The following KIAA1217 variants were observed in gnomAD, a reference collection of about 807,000 sequenced individuals.
KIAA1217 encodes the protein sickle tail protein homolog.
In KIAA1217, 88 loss-of-function variants were observed where a neutral mutation model predicts 163.9. That is an observed-to-expected ratio of 0.54 (90% CI 0.45 to 0.64). KIAA1217 has a LOEUF of 0.64. KIAA1217 is among the 30% of genes least tolerant of loss of function. The probability of loss-of-function intolerance (pLI) is 0.00; values close to 1 mark genes in which losing one functional copy is unlikely to be tolerated. For synonymous variants in KIAA1217, 903 were observed against 923.1 expected (o/e 0.98, Z 0.39); for missense variants, 2,372 against 2,475.0 (o/e 0.96, Z 0.88).
intron 1 of KIAA1217, among the ~76,000 whole-genome samples, chr10:23,729,185 T>C (rs1243746077): frequency 6.6e-6 from 1 of 152,214 alleles, no homozygotes; most frequent in African/African-American, 2.4e-5. Context: ...ATAGTTTACT[T>C]ACTCATCCAC....
intron 2 of KIAA1217, among the ~76,000 whole-genome samples, chr10:24,184,394 T>C (rs2066324514): frequency 2.0e-5 from 3 of 152,170 alleles, no homozygotes; most frequent in Admixed American, 6.5e-5. Context: ...GCAACAGATG[T>C]TCATTTTAGA....
chr10:24,296,812 G>A (rs2040674073), intron 2 of KIAA1217, among the ~76,000 whole-genome samples: 1 of 152,126 alleles, frequency 6.6e-6, no homozygotes, highest in Non-Finnish European at 1.5e-5. Flanking sequence ...GCTAATTGGG[G>A]CTAAATACAG....
intron 1 of KIAA1217, among the ~76,000 whole-genome samples, chr10:24,213,911 G>A (rs184866881): frequency 1.4e-4 from 22 of 152,228 alleles, no homozygotes; most frequent in Non-Finnish European, 2.2e-4. Context: ...ATCACTTTGG[G>A]ATGCTGAGGC....
At chr10:23,751,487 A>G (rs374947531) in intron 1 of KIAA1217, among the ~76,000 whole-genome samples, 1 of 152,086 alleles carries the variant, frequency 6.6e-6, no homozygotes, top group Admixed American at 6.5e-5. Flanking sequence ...TCTAGTTTTT[A>G]CTTCCCTATG....
At chr10:24,205,011 A>C (rs1180136698), upstream of KIAA1217, among the ~76,000 whole-genome samples, 1 of 152,220 alleles carries the variant, frequency 6.6e-6, no homozygotes, top group Admixed American at 6.5e-5. Context: ...TAAGGACTTC[A>C]GCAAGCATTA....
At chr10:23,745,952 CT>C (rs1839389439) in intron 1 of KIAA1217, among the ~76,000 whole-genome samples, 1 of 152,180 alleles carries the variant, frequency 6.6e-6, no homozygotes. Flanking sequence ...ATTTTATGCC[CT>C]TTACAAACAC....
At chr10:24,235,943 G>A (rs906060968) in intron 2 of KIAA1217, among the ~76,000 whole-genome samples, 1 of 152,176 alleles carries the variant, frequency 6.6e-6, no homozygotes, top group Non-Finnish European at 1.5e-5. Flanking sequence ...AGGAGTATCA[G>A]TGCCTGGTAG....
At chr10:24,048,109 G>A (rs1256352669) in intron 2 of KIAA1217, among the ~76,000 whole-genome samples, 1 of 152,072 alleles carries the variant, frequency 6.6e-6, no homozygotes, top group East Asian at 1.9e-4. Flanking sequence ...AGAGGTCAAG[G>A]GTACAGTATG....
chr10:24,428,628 C>T (rs973763631), intron 3 of KIAA1217, among the ~76,000 whole-genome samples: 1 of 152,186 alleles, frequency 6.6e-6, no homozygotes, highest in East Asian at 1.9e-4. Context: ...ACTAATAAAT[C>T]ATTCGTTTAT....
intron 1 of KIAA1217, among the ~76,000 whole-genome samples, chr10:23,775,127 C>T (rs935707915): frequency 6.6e-6 from 1 of 152,100 alleles, no homozygotes; most frequent in Non-Finnish European, 1.5e-5. Flanking sequence ...GCAGTGAGTC[C>T]ATTAAAAGCT....
intron 1 of KIAA1217, among the ~76,000 whole-genome samples, chr10:23,818,665 C>G (rs1398222189): frequency 6.6e-6 from 1 of 152,098 alleles, no homozygotes; most frequent in African/African-American, 2.4e-5. Context: ...CTTGTTTGAT[C>G]ACAGCACAGG....
At chr10:23,798,614 G>A (rs1261139716) in intron 1 of KIAA1217, among the ~76,000 whole-genome samples, 1 of 152,170 alleles carries the variant, frequency 6.6e-6, no homozygotes, top group Non-Finnish European at 1.5e-5. Context: ...GGTAGAGTGA[G>A]TGCAGAGCTC....
intron 2 of KIAA1217, among the ~76,000 whole-genome samples, chr10:24,266,080 C>T (rs1430869222): frequency 2.8e-5 from 4 of 141,108 alleles, no homozygotes; most frequent in Non-Finnish European, 4.7e-5. Flanking sequence ...AAAGGCTGAT[C>T]TTTTTTTTTT....
chr10:23,974,180 C>T (rs149288727), intron 1 of KIAA1217, among the ~76,000 whole-genome samples: 3 of 152,098 alleles, frequency 2.0e-5, no homozygotes, highest in Non-Finnish European at 2.9e-5. Flanking sequence ...GGAGTGAAAG[C>T]GTGTGTTGTG....
chr10:23,704,172 G>GTATATATATATA lies in KIAA1217; in HGVS notation c.-321+8967_-321+8978dup, dbSNP rs35533445. Among the ~76,000 whole-genome samples, 113 of 39,912 alleles carry GTATATATATATA rather than the reference G, an allele frequency of 2.8e-3. 2 individuals carry two copies. The highest frequency in any genetic ancestry group is 5.1e-3 in the African/African-American group (38 of 7,460). The allele number at this position is 39,912 out of a possible 152,430, so 26.2% of individuals were successfully genotyped here. ...TGTGTGTGTGTGTGTGTGTGTGTGT[G>GTATATATATATA]TATATATATATATATATATATATAT... On this transcript the variant is annotated intron_variant, in intron 1 of 18. Coordinates refer to the KIAA1217 transcript ENST00000376462.
At chr10:23,811,301 G>A (rs1837038643) in intron 1 of KIAA1217, among the ~76,000 whole-genome samples, 1 of 146,058 alleles carries the variant, frequency 6.8e-6, no homozygotes, top group African/African-American at 2.5e-5. Flanking sequence ...TATATAGTAT[G>A]TGTATATATT....
intron 2 of KIAA1217, chr10:24,255,329 C>A: frequency 3.3e-6 from 1 of 298,620 alleles, no homozygotes; most frequent in Non-Finnish European, 6.7e-6. Flanking sequence ...CTGTGAATCA[C>A]ACTTCAAATC....
At chr10:24,138,336 A>G (rs1226621981) in intron 2 of KIAA1217, among the ~76,000 whole-genome samples, 3 of 152,060 alleles carry the variant, frequency 2.0e-5, no homozygotes, top group Non-Finnish European at 2.9e-5. Context: ...TGTTTTAGAG[A>G]TGGAGTCTGA....
At position 23,919,777 on chromosome 10, in the gene KIAA1217, G is replaced by A. The variant is rs564578524; in HGVS notation, c.-320-87448G>A. ...CTTTAGTTCCAAACCCTATTCTTTC[G>A]GTGCTACCCAAAGAGAGCTGACCTG... On this transcript the variant is annotated intron_variant, in intron 1 of 18. Transcript: ENST00000376462. 1.6e-4 allele frequency among the ~76,000 whole-genome samples: 24 copies of A among 152,092 alleles called. No homozygotes were observed. The South Asian group carries it at 3.7e-3, about 24-fold the overall frequency.
Sources: gnomAD v4.1 joint callset for allele counts (sites outside exome capture counted in the v4.1 genomes callset) on GRCh38, gnomAD v4.1.1 for gene constraint, MANE v1.5 for transcripts, NCBI Gene and HGNC (gene_info 2026-07-23, HGNC 2026-07-21) for gene names.